Variants in DPH6 observed in about 807,000 individuals in gnomAD.
DPH6 encodes the protein diphthamine biosynthesis 6.
In DPH6, 33 loss-of-function variants were observed where a neutral mutation model predicts 38.2. The observed-to-expected ratio is 0.86, with a 90% confidence interval of 0.65 to 1.15. The LOEUF (loss-of-function observed/expected upper bound fraction) is 1.15, where lower values mean the gene tolerates loss of function less well. Ranked by LOEUF, DPH6 falls within the 50% of genes most tolerant of loss-of-function variation. DPH6 has a pLI of 0.00. For synonymous variants in DPH6, 108 were observed against 103.0 expected (o/e 1.05, Z -0.30); for missense variants, 325 against 320.0 (o/e 1.02, Z -0.12).
chr15:35,524,812 T>C (rs2054974507), intron 3 of DPH6, among the ~76,000 whole-genome samples: 1 of 152,116 alleles, frequency 6.6e-6, no homozygotes, highest in Admixed American at 6.6e-5. Context: ...CAGCAATCAA[T>C]ATAAAGAGGA....
chr15:35,258,134 A>G (rs930897428), intron 3 of DPH6, among the ~76,000 whole-genome samples: 1 of 152,108 alleles, frequency 6.6e-6, no homozygotes, highest in Non-Finnish European at 1.5e-5. Flanking sequence ...CTTGTTTTTA[A>G]TTTGTGCCAA....
At chr15:35,392,564 A>G (rs2053075137) in intron 6 of DPH6, among the ~76,000 whole-genome samples, 1 of 152,232 alleles carries the variant, frequency 6.6e-6, no homozygotes, top group Non-Finnish European at 1.5e-5. Flanking sequence ...TATTTACTGA[A>G]TATCTACTCT....
Position 35,278,957 on chromosome 15 carries a change from G to C in DPH6, n.201-58375C>G, listed in dbSNP as rs574032043. ...CCAGCTACTCAGGAGGCTGAGGCAGGAGAATTGCTTGAACCCAGGAGGCGG... is the reference window on the plus strand; with the variant it reads ...CCAGCTACTCAGGAGGCTGAGGCAGCAGAATTGCTTGAACCCAGGAGGCGG... On this transcript the variant is annotated intron_variant and non_coding_transcript_variant, in intron 3 of 3. Coordinates refer to the DPH6 transcript ENST00000560386. Among the ~76,000 whole-genome samples, 9 of 148,804 alleles carry C rather than the reference G, an allele frequency of 6.0e-5. No homozygotes were observed. The South Asian group carries it at 1.9e-3, about 31-fold the overall frequency.
chr15:35,317,728 C>T (rs2052205718), intron 3 of DPH6, among the ~76,000 whole-genome samples: 1 of 151,972 alleles, frequency 6.6e-6, no homozygotes, highest in African/African-American at 2.4e-5. Flanking sequence ...ATTATGTCTT[C>T]TGGGAGCTAA....
the DPH6 span, among the ~76,000 whole-genome samples, chr15:35,171,169 C>T: frequency 7.9e-5 from 12 of 152,176 alleles, no homozygotes; most frequent in Admixed American, 5.2e-4. Context: ...ATTTGAAAAC[C>T]CTTAGCTTTC....
At chr15:35,522,965 T>C (rs2054942569) in intron 3 of DPH6, among the ~76,000 whole-genome samples, 1 of 152,112 alleles carries the variant, frequency 6.6e-6, no homozygotes, top group East Asian at 1.9e-4. Context: ...TCCCACTGTA[T>C]AGATATGTCA....
At chr15:35,390,957 C>T (rs1407579725) in intron 6 of DPH6, among the ~76,000 whole-genome samples, 1 of 152,146 alleles carries the variant, frequency 6.6e-6, no homozygotes. Context: ...TCTGTTTTCT[C>T]CCCATCTTTG....
chr15:35,382,409 C>T lies in DPH6; in HGVS notation c.568-493G>A, dbSNP rs889508871. On this transcript the variant is annotated intron_variant, in intron 6 of 8. Transcript: ENST00000256538. ...TGCAGTGAGCCGAGATCAGCCTGGG[C>T]GACAGAGGGAGACTCCGTCAAAAAT... Among the ~76,000 whole-genome samples the T allele has an allele frequency of 7.2e-5, 11 of 151,764 alleles. No individual in the cohort carries two copies. In the East Asian group the frequency reaches 1.4e-3, roughly 19 times the overall value.
At chr15:35,483,087 C>T (rs948254469) in intron 3 of DPH6, among the ~76,000 whole-genome samples, 19 of 151,854 alleles carry the variant, frequency 1.3e-4, no homozygotes, top group African/African-American at 4.1e-4. Flanking sequence ...TTTCACTAGA[C>T]GCTCCACCAA....
intron 3 of DPH6, among the ~76,000 whole-genome samples, chr15:35,257,785 T>TGTGTGTGTGC (rs1255859179): frequency 6.6e-6 from 1 of 151,946 alleles, no homozygotes; most frequent in Non-Finnish European, 1.5e-5. Context: ...TGTGTGTGTG[T>TGTGTGTGTGC]GTGTGTGTGT....
At chr15:35,398,933 G>C (rs2053182413) in intron 6 of DPH6, among the ~76,000 whole-genome samples, 1 of 152,108 alleles carries the variant, frequency 6.6e-6, no homozygotes, top group African/African-American at 2.4e-5. Context: ...GTGTTTAGTG[G>C]TGTGCAAGCA....
chr15:35,308,250 A>G (rs2052110133), intron 3 of DPH6, among the ~76,000 whole-genome samples: 1 of 152,154 alleles, frequency 6.6e-6, no homozygotes, highest in African/African-American at 2.4e-5. Context: ...AAATAAATAA[A>G]TAAATAAAAC....
At chr15:35,235,372 G>A (rs566668895) in intron 3 of DPH6, among the ~76,000 whole-genome samples, 21 of 152,202 alleles carry the variant, frequency 1.4e-4, no homozygotes, top group Admixed American at 2.6e-4. Flanking sequence ...CCTGACCTTC[G>A]TTTATAAACA....
intron 3 of DPH6, among the ~76,000 whole-genome samples, chr15:35,342,915 A>G (rs2052433054): frequency 6.6e-6 from 1 of 152,172 alleles, no homozygotes; most frequent in African/African-American, 2.4e-5. Context: ...AACTGGCTTT[A>G]ATAACGATCA....
chr15:35,306,032 G>C (rs1363244669), intron 3 of DPH6, among the ~76,000 whole-genome samples: 1 of 152,170 alleles, frequency 6.6e-6, no homozygotes, highest in African/African-American at 2.4e-5. Context: ...TAAGACAGCA[G>C]TGTGCTTTCT....
intron 6 of DPH6, among the ~76,000 whole-genome samples, chr15:35,391,944 G>A (rs1054301944): frequency 6.6e-6 from 1 of 152,192 alleles, no homozygotes; most frequent in Non-Finnish European, 1.5e-5. Context: ...GATGCTGGGA[G>A]CTGTAGGCTG....
rs1595482677 is a variant in DPH6, at chr15:35,331,504, C to T, written n.208-427G>A. ...CTAAAATGCAGGATTCAAAAGAACA[C>T]TGGGTGCTATAAGTTATTGGAAGAT... On this transcript the variant is annotated intron_variant and non_coding_transcript_variant, in intron 3 of 3. Transcript: ENST00000558973. 2.0e-5 allele frequency among the ~76,000 whole-genome samples: 3 copies of T among 152,174 alleles called. No individual in the cohort carries two copies. In the South Asian group the frequency reaches 6.2e-4, roughly 31 times the overall value.
chr15:35,340,136 C>G (rs578087952), intron 3 of DPH6, among the ~76,000 whole-genome samples: 1 of 152,164 alleles, frequency 6.6e-6, no homozygotes, highest in East Asian at 1.9e-4. Flanking sequence ...ATGTAATGCC[C>G]TTCTTTGTGT....
chr15:35,437,209 G>C (rs1181132204), intron 5 of DPH6, among the ~76,000 whole-genome samples: 1 of 152,082 alleles, frequency 6.6e-6, no homozygotes, highest in Admixed American at 6.6e-5. Context: ...AACCAGGAAC[G>C]CCTCGCTCCC....
Sources: gnomAD v4.1 joint callset for allele counts (sites outside exome capture counted in the v4.1 genomes callset) on GRCh38, gnomAD v4.1.1 for gene constraint, MANE v1.5 for transcripts, NCBI Gene and HGNC (gene_info 2026-07-23, HGNC 2026-07-21) for gene names.